NCOA7: variants seen among roughly 807,000 people sequenced by gnomAD.
NCOA7 encodes the protein 140 kDa estrogen receptor-associated protein.
A neutral mutation model predicts 104.3 loss-of-function variants in NCOA7; 45 were observed. The ratio of observed to expected loss-of-function variants is 0.43; its 90% CI spans 0.34 to 0.55. The LOEUF is 0.55. Among genes scored for constraint, NCOA7 ranks in the 20% least tolerant of loss-of-function variants. The probability of loss-of-function intolerance (pLI) is 0.02; values close to 1 mark genes in which losing one functional copy is unlikely to be tolerated. For missense variants in NCOA7, 1,041 were observed against 1,119.7 expected (o/e 0.93, Z 1.00); for synonymous variants, 398 against 402.3 (o/e 0.99, Z 0.13).
chr6:125,905,629 C>T (rs1250436665), intron 10 of NCOA7, among the ~76,000 whole-genome samples: 2 of 151,964 alleles, frequency 1.3e-5, no homozygotes, highest in Non-Finnish European at 2.9e-5. Flanking sequence ...TAACAAAGGG[C>T]ATATACAGAA....
intron 1 of NCOA7, among the ~76,000 whole-genome samples, chr6:125,803,784 T>C (rs539285007): frequency 6.6e-6 from 1 of 152,252 alleles, no homozygotes; most frequent in African/African-American, 2.4e-5. Context: ...TTGCTATTTA[T>C]ATACTGTATG....
intron 3 of NCOA7, among the ~76,000 whole-genome samples, chr6:125,859,691 A>C (rs1292743672): frequency 6.6e-6 from 1 of 152,246 alleles, no homozygotes; most frequent in Non-Finnish European, 1.5e-5. Flanking sequence ...TTCTATAAGC[A>C]ATATATAACA....
upstream of NCOA7, among the ~76,000 whole-genome samples, chr6:125,785,971 G>A (rs1191757051): frequency 6.6e-6 from 1 of 152,120 alleles, no homozygotes; most frequent in East Asian, 1.9e-4. Context: ...TTTATAACAA[G>A]CCAAATGAAA....
At chr6:125,924,035 T>A (rs1251150591) in intron 13 of NCOA7, among the ~76,000 whole-genome samples, 1 of 152,128 alleles carries the variant, frequency 6.6e-6, no homozygotes, top group Non-Finnish European at 1.5e-5. Context: ...TTAATAAAGA[T>A]CCAAGCTGAA....
intron 1 of NCOA7, among the ~76,000 whole-genome samples, chr6:125,797,349 G>A (rs765949808): frequency 1.3e-5 from 2 of 152,126 alleles, no homozygotes; most frequent in Non-Finnish European, 2.9e-5. Context: ...CAAAGTACCT[G>A]GCATGAGGTA....
intron 6 of NCOA7, among the ~76,000 whole-genome samples, chr6:125,881,670 CAAAAAAAA>C (rs397887394): frequency 1.1e-5 from 1 of 90,544 alleles, no homozygotes; most frequent in South Asian, 3.8e-4. Context: ...AACCCTATCT[CAAAAAAAA>C]AAAAAAAAAA....
intron 5 of NCOA7, 62 bp from the exon 6 acceptor site, chr6:125,881,028 A>G (rs992435364): frequency 2.9e-6 from 3 of 1,048,072 alleles, no homozygotes; most frequent in African/African-American, 1.6e-5. Flanking sequence ...AACTTCTCCA[A>G]ACACTCACTA....
chr6:125,924,674 T>C (rs561343816), intron 13 of NCOA7, among the ~76,000 whole-genome samples: 1 of 152,240 alleles, frequency 6.6e-6, no homozygotes, highest in Non-Finnish European at 1.5e-5. Flanking sequence ...TCTAAGCCAG[T>C]GAGGGAATAT....
At chr6:125,910,806 A>G (rs1225657630) in intron 10 of NCOA7, among the ~76,000 whole-genome samples, 1 of 152,250 alleles carries the variant, frequency 6.6e-6, no homozygotes, top group East Asian at 1.9e-4. Context: ...AAAACAACCC[A>G]GAGAATGGCT....
At chr6:125,919,171 T>TG in intron 11 of NCOA7, 1 of 1,439,096 alleles carries the variant, frequency 6.9e-7, no homozygotes. Flanking sequence ...AATCCTAATT[T>TG]GGGTGTGTTC....
chr6:125,837,026 C>G (rs1041662546), intron 2 of NCOA7, among the ~76,000 whole-genome samples: 1 of 152,142 alleles, frequency 6.6e-6, no homozygotes, highest in Non-Finnish European at 1.5e-5. Flanking sequence ...GGGTAGTTAT[C>G]TCCTCACAAA....
intron 2 of NCOA7, among the ~76,000 whole-genome samples, chr6:125,835,979 G>A (rs1457725746): frequency 2.0e-5 from 3 of 152,174 alleles, no homozygotes; most frequent in Non-Finnish European, 4.4e-5. Context: ...TTGAATGGAT[G>A]ATTTGACAAG....
At chr6:125,805,339 C>A (rs1037368542) in intron 1 of NCOA7, among the ~76,000 whole-genome samples, 2 of 152,092 alleles carry the variant, frequency 1.3e-5, no homozygotes, top group Non-Finnish European at 2.9e-5. Context: ...AGGTGATCCA[C>A]CCGCCTCAGC....
upstream of NCOA7, chr6:125,786,012 A>G (rs1774448038): frequency 2.0e-5 from 3 of 152,232 alleles, no homozygotes; most frequent in South Asian, 6.2e-4. Flanking sequence ...ACAAAAGGAC[A>G]CTTACATTTT....
In NCOA7 at chr6:125,918,387, A is replaced by G. The variant is rs548701103; in HGVS notation, c.2245-2556A>G. Reference sequence around the variant, plus strand: ...TGGCATTCTGTCCCAGGTTGTGCTCAGGCTGTTGCATTGAGAGTCAGTTCT... The same window carrying G: ...TGGCATTCTGTCCCAGGTTGTGCTCGGGCTGTTGCATTGAGAGTCAGTTCT... On this transcript the variant is annotated intron_variant, in intron 11 of 15. Coordinates refer to ENST00000392477, the MANE Select transcript of NCOA7 (RefSeq NM_181782.5). 1.7e-4 allele frequency among the ~76,000 whole-genome samples: 26 copies of G among 152,260 alleles called. No individual in the cohort carries two copies. In the East Asian group the frequency reaches 5.0e-3, roughly 29 times the overall value.
At chr6:125,811,044 T>A (rs1383875848) in intron 1 of NCOA7, among the ~76,000 whole-genome samples, 2 of 152,212 alleles carry the variant, frequency 1.3e-5, no homozygotes, top group Admixed American at 1.3e-4. Flanking sequence ...GTAACTTAAT[T>A]TTTATTCATG....
At chr6:125,801,318 C>A (rs1775867450) in intron 1 of NCOA7, among the ~76,000 whole-genome samples, 1 of 152,154 alleles carries the variant, frequency 6.6e-6, no homozygotes, top group Admixed American at 6.5e-5. Flanking sequence ...ATCGAGTTAA[C>A]ATCCAGGCCC....
intron 3 of NCOA7, among the ~76,000 whole-genome samples, chr6:125,864,742 C>A: frequency 7.3e-6 from 1 of 137,178 alleles, no homozygotes; most frequent in African/African-American, 3.1e-5. Context: ...TTCCTAGTGT[C>A]CAGAACTCTG....
intron 3 of NCOA7, among the ~76,000 whole-genome samples, chr6:125,860,076 CA>C (rs1172609776): frequency 6.6e-6 from 1 of 152,052 alleles, no homozygotes; most frequent in Non-Finnish European, 1.5e-5. Context: ...AATTAAGCAT[CA>C]AAAAAACCTT....
Sources: allele counts gnomAD v4.1 joint callset (sites outside exome capture counted in the v4.1 genomes callset), GRCh38; gene constraint gnomAD v4.1.1; transcripts MANE v1.5; gene names NCBI Gene and HGNC (gene_info 2026-07-23, HGNC 2026-07-21).